The following CNTN1 variants were observed in gnomAD, a reference collection of about 807,000 sequenced individuals.
The protein encoded by CNTN1 is contactin 1.
A neutral mutation model predicts 126.4 loss-of-function variants in CNTN1; 38 were observed. The observed-to-expected ratio is 0.30, with a 90% CI of 0.23 to 0.39. The LOEUF (loss-of-function observed/expected upper bound fraction) is 0.39, where lower values mean the gene tolerates loss of function less well. Among genes scored for constraint, CNTN1 ranks in the 10% least tolerant of loss-of-function variants. The pLI is 1.00. For synonymous variants in CNTN1, 413 were observed against 422.6 expected (o/e 0.98, Z 0.28); for missense variants, 1,009 against 1,248.4 (o/e 0.81, Z 2.89).
chr12:40,765,387 G>T (rs1032832335), intron 1 of CNTN1, among the ~76,000 whole-genome samples: 2 of 152,144 alleles, frequency 1.3e-5, no homozygotes, highest in African/African-American at 4.8e-5. Context: ...TCAGTGAAAG[G>T]ATAGGAAGCT....
At chr12:40,954,255 T>C (rs904026418) in intron 14 of CNTN1, among the ~76,000 whole-genome samples, 8 of 152,098 alleles carry the variant, frequency 5.3e-5, no homozygotes, top group African/African-American at 1.4e-4. Flanking sequence ...TACATTTATA[T>C]TATTGAATAT....
In CNTN1 at chr12:40,936,697, A is replaced by G. The variant is rs1946091616; in HGVS notation, c.986-84A>G. The G allele has an allele frequency of 5.2e-6, 8 of 1,537,374 alleles. No individual in the cohort carries two copies. The Admixed American group carries it at 1.0e-4, about 19-fold the overall frequency. ...CTGATGTATTCTGCAGAATTAGGTT[A>G]ACTAAATGTAATATTTATACTCTGG... is the stretch of plus-strand genomic sequence containing the variant. On this transcript the variant is annotated intron_variant, in intron 9 of 23. Transcript: ENST00000551295.
At chr12:40,790,548 A>G (rs751542541) in intron 1 of CNTN1, among the ~76,000 whole-genome samples, 6 of 152,078 alleles carry the variant, frequency 3.9e-5, no homozygotes, top group Non-Finnish European at 8.8e-5. Context: ...CACTGCCTGT[A>G]TGTACCTCCT....
chr12:41,047,223 A>G (rs1431375600), intron 23 of CNTN1, among the ~76,000 whole-genome samples: 1 of 152,036 alleles, frequency 6.6e-6, no homozygotes, highest in Non-Finnish European at 1.5e-5. Flanking sequence ...GAAACCCAGG[A>G]GTCTCTGATT....
At chr12:40,959,693 G>T (rs567137230) in intron 15 of CNTN1, among the ~76,000 whole-genome samples, 2 of 152,066 alleles carry the variant, frequency 1.3e-5, no homozygotes, top group African/African-American at 4.8e-5. Context: ...TTTGTTGCTG[G>T]TTTTTTCAAA....
chr12:40,887,848 G>T (rs1944098118), intron 1 of CNTN1, among the ~76,000 whole-genome samples: 2 of 152,084 alleles, frequency 1.3e-5, no homozygotes, highest in African/African-American at 4.8e-5. Flanking sequence ...AAAATGATGA[G>T]TTCATGTCCT....
rs375782376 is a variant in CNTN1 at position 41,069,971 on chromosome 12, T to C, written c.2993T>C (p.Leu998Pro). 78 of 1,613,894 alleles carry C rather than the reference T, an allele frequency of 4.8e-5. No homozygotes were observed. Among genetic ancestry groups the C allele is most frequent in the Non-Finnish European group, 6.6e-5 (78 of 1,179,948 alleles). The stretch of plus-strand genomic sequence containing the variant: ...GTTTACCTTGCAGGTGCACCCACCC[T>C]ATCCCCAAGTCTTCTCGGCTTACTG... ...SQVKISGAPT[L>P]SPSLLGLLLP... The change falls in exon 24 of 24, where the codon CTA (leucine) becomes CCA (proline). Residue 998 changes from leucine to proline, a missense_variant. Leu to Pro is a moderately conservative substitution (Grantham distance 98). Transcript: ENST00000551295.
chr12:40,943,650 A>G lies in CNTN1; in HGVS notation c.1433A>G (p.Asp478Gly), dbSNP rs1221311062. The G allele has an allele frequency of 6.2e-7, 1 of 1,604,892 alleles. No homozygotes were observed. Among genetic ancestry groups the G allele is most frequent in the Non-Finnish European group, 8.5e-7 (1 of 1,172,010 alleles). ...SLEINNITRN[D>G]GGIYTCFAEN... is the part of the protein sequence containing the mutation. Reference sequence around the variant, plus strand: ...GAAATCAACAACATTACAAGGAATGATGGAGGTATCTATACATGCTTTGCA... The same window carrying G: ...GAAATCAACAACATTACAAGGAATGGTGGAGGTATCTATACATGCTTTGCA... Residue 478 changes from aspartate (D) to glycine (G), a missense_variant, in exon 13 of 24, where the codon GAT becomes GGT. By Grantham distance (94) the Asp-to-Gly change is moderately conservative. Coordinates refer to ENST00000551295, the MANE Select transcript of CNTN1 (RefSeq NM_001843.4).
At chr12:41,046,791 C>G (rs1340275561) in intron 23 of CNTN1, among the ~76,000 whole-genome samples, 1 of 151,132 alleles carries the variant, frequency 6.6e-6, no homozygotes, top group African/African-American at 2.4e-5. Flanking sequence ...CCTCCCAACT[C>G]CAGCAGTTCT....
intron 9 of CNTN1, 99 bp downstream of exon 9, chr12:40,933,977 A>AAAAC: frequency 1.1e-6 from 1 of 913,040 alleles, no homozygotes. Context: ...AATGGTTTTA[A>AAAAC]AAACAGTGAT....
chr12:40,702,565 C>T (rs925147892), intron 1 of CNTN1, among the ~76,000 whole-genome samples: 1 of 152,260 alleles, frequency 6.6e-6, no homozygotes, highest in East Asian at 1.9e-4. Flanking sequence ...CTGCCTCAGC[C>T]TCCCAAGTAG....
chr12:40,875,968 A>T (rs1407035323), intron 1 of CNTN1, among the ~76,000 whole-genome samples: 1 of 152,070 alleles, frequency 6.6e-6, no homozygotes, highest in African/African-American at 2.4e-5. Context: ...TCTCTCTTTG[A>T]TCACACTTAA....
At chr12:40,827,178 GTT>G (rs34367774) in intron 1 of CNTN1, among the ~76,000 whole-genome samples, 9 of 145,460 alleles carry the variant, frequency 6.2e-5, no homozygotes, top group African/African-American at 1.3e-4. Flanking sequence ...TTTAAAGCCT[GTT>G]TTTTTTTTTC....
intron 1 of CNTN1, among the ~76,000 whole-genome samples, chr12:40,814,974 C>T (rs10879231): frequency 0.23 from 34,714 of 151,822 alleles, 4,594 homozygotes; most frequent in South Asian, 0.36. Context: ...TGGGAGTTCA[C>T]TCATGATTTG....
intron 23 of CNTN1, among the ~76,000 whole-genome samples, chr12:41,032,295 G>A (rs1199775151): frequency 6.6e-6 from 1 of 150,830 alleles, no homozygotes; most frequent in East Asian, 1.9e-4. Context: ...GTGAACCCTG[G>A]AGGTGGTGCT....
intron 15 of CNTN1, among the ~76,000 whole-genome samples, chr12:40,965,780 T>C (rs1947284069): frequency 2.0e-5 from 3 of 152,204 alleles, no homozygotes; most frequent in Admixed American, 1.3e-4. Flanking sequence ...AATGTTCACA[T>C]TGTGTTCAAG....
intron 1 of CNTN1, among the ~76,000 whole-genome samples, chr12:40,885,186 C>T (rs1223531628): frequency 6.6e-6 from 1 of 151,784 alleles, no homozygotes; most frequent in African/African-American, 2.4e-5. Flanking sequence ...AGAAACACCA[C>T]AATCCTGGGC....
At chr12:41,036,683 T>C (rs1949274190) in intron 23 of CNTN1, among the ~76,000 whole-genome samples, 1 of 152,112 alleles carries the variant, frequency 6.6e-6, no homozygotes, top group Admixed American at 6.5e-5. Flanking sequence ...GCCATTATAT[T>C]TAGTTACTTC....
chr12:40,936,153 A>G (rs1946073648), intron 9 of CNTN1, among the ~76,000 whole-genome samples: 1 of 152,000 alleles, frequency 6.6e-6, no homozygotes, highest in South Asian at 2.1e-4. Context: ...ATTTTTATGG[A>G]TGTCTCTTTA....
Sources: allele counts gnomAD v4.1 joint callset (sites outside exome capture counted in the v4.1 genomes callset), GRCh38; gene constraint gnomAD v4.1.1; transcripts MANE v1.5; gene names NCBI Gene and HGNC (gene_info 2026-07-23, HGNC 2026-07-21).